TBCA: variants seen among roughly 807,000 people sequenced by gnomAD.
The protein encoded by TBCA is tubulin folding cofactor A.
In TBCA, 6 loss-of-function variants were observed where a neutral mutation model predicts 15.8. The ratio of observed to expected loss-of-function variants is 0.38; its 90% CI spans 0.21 to 0.75. The LOEUF (loss-of-function observed/expected upper bound fraction) is 0.75. TBCA is among the 30% of genes least tolerant of loss of function. The pLI, the probability that TBCA is intolerant of heterozygous loss-of-function variation, is 0.46. For missense variants in TBCA, 90 were observed against 131.2 expected (o/e 0.69, Z 1.53); for synonymous variants, 32 against 42.3 (o/e 0.76, Z 0.94).
chr5:77,693,039 A>G, intron 3 of TBCA: 5 of 1,427,250 alleles, frequency 3.5e-6, no homozygotes, highest in Admixed American at 6.1e-5. Context: ...TAACTAGCTA[A>G]ATTTTAATAA....
chr5:77,693,191 AT>A, intron 3 of TBCA, 74 bp downstream of exon 3: 1 of 1,571,336 alleles, frequency 6.4e-7, no homozygotes, highest in Non-Finnish European at 8.6e-7. Flanking sequence ...TCAGTGTTAA[AT>A]ATTTAAACTT....
At chr5:77,729,669 G>C (rs1746717197) in intron 1 of TBCA, among the ~76,000 whole-genome samples, 1 of 152,164 alleles carries the variant, frequency 6.6e-6, no homozygotes, top group African/African-American at 2.4e-5. Flanking sequence ...AAGGAGACAG[G>C]ATGATCTCAC....
At chr5:77,749,733 C>CTGTAGAATAAATTGT (rs1164410901) in intron 1 of TBCA, among the ~76,000 whole-genome samples, 1 of 152,170 alleles carries the variant, frequency 6.6e-6, no homozygotes, top group African/African-American at 2.4e-5. Flanking sequence ...ACAGATAAAT[C>CTGTAGAATAAATTGT]TGCCAATTTG....
At chr5:77,713,557 A>G (rs1047487652) in intron 1 of TBCA, among the ~76,000 whole-genome samples, 1 of 152,186 alleles carries the variant, frequency 6.6e-6, no homozygotes, top group African/African-American at 2.4e-5. Context: ...TACATAGTGC[A>G]TAATGTGAAA....
intron 1 of TBCA, among the ~76,000 whole-genome samples, chr5:77,732,536 G>C (rs1746797145): frequency 8.3e-6 from 1 of 121,198 alleles, no homozygotes; most frequent in Non-Finnish European, 1.6e-5. Flanking sequence ...GGGCGACAGA[G>C]TGAGACTCTG....
intron 1 of TBCA, among the ~76,000 whole-genome samples, chr5:77,766,459 T>C (rs1747778630): frequency 6.6e-6 from 1 of 152,044 alleles, no homozygotes; most frequent in African/African-American, 2.4e-5. Context: ...ACAGCGGTTG[T>C]TTCTCTTTTT....
intron 1 of TBCA, among the ~76,000 whole-genome samples, chr5:77,746,673 T>C (rs900246724): frequency 6.6e-6 from 1 of 152,162 alleles, no homozygotes; most frequent in African/African-American, 2.4e-5. Flanking sequence ...TGAGAAACAA[T>C]AGAAAACCAC....
At chr5:77,765,577 C>T (rs1028286156) in intron 1 of TBCA, among the ~76,000 whole-genome samples, 1 of 152,142 alleles carries the variant, frequency 6.6e-6, no homozygotes, top group Non-Finnish European at 1.5e-5. Flanking sequence ...TCTCCTACCC[C>T]CTTTTCCTCT....
At chr5:77,700,030 C>CAAAAA (rs67790719) in intron 2 of TBCA, among the ~76,000 whole-genome samples, 24 of 86,050 alleles carry the variant, frequency 2.8e-4, no homozygotes, top group South Asian at 9.4e-4. Context: ...GGCTCTGACT[C>CAAAAA]AAAAAAAAAA....
intron 1 of TBCA, among the ~76,000 whole-genome samples, chr5:77,724,286 G>A (rs567815847): frequency 6.6e-6 from 1 of 151,976 alleles, no homozygotes; most frequent in Admixed American, 6.6e-5. Flanking sequence ...TCTCCAAAGA[G>A]ATATAATAAT....
At chr5:77,757,165 C>A (rs1344865636) in intron 1 of TBCA, among the ~76,000 whole-genome samples, 1 of 152,106 alleles carries the variant, frequency 6.6e-6, no homozygotes, top group African/African-American at 2.4e-5. Flanking sequence ...TTGGTCAAAT[C>A]TGATGGGACA....
At chr5:77,746,750 T>C (rs533841030) in intron 1 of TBCA, among the ~76,000 whole-genome samples, 38 of 152,192 alleles carry the variant, frequency 2.5e-4, no homozygotes, top group Non-Finnish European at 5.0e-4. Flanking sequence ...GATTAAGTAC[T>C]ATGCTTATTT....
intron 1 of TBCA, among the ~76,000 whole-genome samples, chr5:77,768,639 C>T (rs1347009578): frequency 1.3e-5 from 2 of 152,066 alleles, no homozygotes; most frequent in Non-Finnish European, 2.9e-5. Flanking sequence ...GTATAATGTG[C>T]CAACACCATA....
chr5:77,719,127 C>A (rs1290452388), intron 1 of TBCA, among the ~76,000 whole-genome samples: 2 of 152,076 alleles, frequency 1.3e-5, no homozygotes, highest in East Asian at 3.9e-4. Flanking sequence ...AATTACCCTG[C>A]GTGGTAAGCA....
intron 1 of TBCA, among the ~76,000 whole-genome samples, chr5:77,733,210 G>A (rs1202773666): frequency 6.6e-6 from 1 of 152,162 alleles, no homozygotes; most frequent in Admixed American, 6.5e-5. Flanking sequence ...GAACCCTGGA[G>A]GCAGAGGTTG....
intron 1 of TBCA, among the ~76,000 whole-genome samples, chr5:77,713,833 A>T (rs1746335885): frequency 6.6e-6 from 1 of 152,192 alleles, no homozygotes; most frequent in Non-Finnish European, 1.5e-5. Context: ...CAGGAAAATA[A>T]GATAAATCTG....
intron 2 of TBCA, among the ~76,000 whole-genome samples, chr5:77,700,300 C>T (rs1052611358): frequency 9.2e-5 from 14 of 152,128 alleles, no homozygotes; most frequent in African/African-American, 2.6e-4. Context: ...CTGCAAACCA[C>T]GTATCTGACA....
chr5:77,769,148 TGTG>T (rs904744201), intron 1 of TBCA, among the ~76,000 whole-genome samples: 21 of 152,280 alleles, frequency 1.4e-4, no homozygotes, highest in African/African-American at 5.1e-4. Flanking sequence ...GTTAACAGAA[TGTG>T]GTGAAGAGCT....
intron 1 of TBCA, among the ~76,000 whole-genome samples, chr5:77,711,768 G>C (rs574551374): frequency 6.6e-6 from 1 of 152,282 alleles, no homozygotes; most frequent in African/African-American, 2.4e-5. Context: ...CATTGTGCTT[G>C]TCTATGGAAA....
Sources: gnomAD v4.1 joint callset for allele counts (sites outside exome capture counted in the v4.1 genomes callset) on GRCh38, gnomAD v4.1.1 for gene constraint, MANE v1.5 for transcripts, NCBI Gene and HGNC (gene_info 2026-07-23, HGNC 2026-07-21) for gene names.